Variants in RHCE observed in about 807,000 individuals in gnomAD.
The protein encoded by RHCE is Rh blood group CcEe antigens.
In RHCE, 22 loss-of-function variants were observed where a neutral mutation model predicts 43.8. The observed-to-expected ratio is 0.50, with a 90% CI of 0.36 to 0.72. The LOEUF is 0.72. RHCE is among the 30% of genes least tolerant of loss of function. RHCE has a pLI of 0.00. For missense variants in RHCE, 385 were observed against 525.4 expected (o/e 0.73, Z 2.61); for synonymous variants, 156 against 210.7 (o/e 0.74, Z 2.25).
rs1390268239 is a variant in RHCE, at chr1:25,385,761, G to C, written c.1023C>G (p.Ile341Met). The C allele has an allele frequency of 5.6e-6, 9 of 1,613,962 alleles. No individual in the cohort carries two copies. In the East Asian group the frequency reaches 1.8e-4, roughly 32 times the overall value. Residue 341 changes from isoleucine to methionine, a missense_variant, in exon 7 of 10, where the codon ATC becomes ATG. Around this residue, in one of 6 missense-constraint regions of RHCE, gnomAD observed 82 missense variants for 69.2 expected, o/e 1.18. Transcript: ENST00000294413. ...IFSLLGLLGE[I>M]TYIVLLVLHT... ...GAAGCACCAGCAGCACAATGTAGGT[G>C]ATCTCTCCAAGCAGACCCAGCAAGC...
upstream of RHCE, among the ~76,000 whole-genome samples, chr1:25,423,305 C>T (rs895799006): frequency 6.6e-6 from 1 of 152,222 alleles, no homozygotes; most frequent in Non-Finnish European, 1.5e-5. Context: ...GGGCCCAGTA[C>T]AAGCTCTGTA....
chr1:25,370,621 G>T, intron 8 of RHCE, 81 bp from the exon 9 acceptor site: 1 of 1,257,924 alleles, frequency 7.9e-7, no homozygotes, highest in Non-Finnish European at 1.1e-6. Flanking sequence ...TATTGTGTGT[G>T]TCAAAACGAC....
At chr1:25,397,144 C>T (rs1646573347) in intron 3 of RHCE, among the ~76,000 whole-genome samples, 1 of 140,974 alleles carries the variant, frequency 7.1e-6, no homozygotes, top group African/African-American at 2.7e-5. Context: ...GAAATGTACA[C>T]TGAAGTATTT....
intron 1 of RHCE, among the ~76,000 whole-genome samples, chr1:25,416,226 T>C (rs757312280): frequency 2.6e-5 from 4 of 152,154 alleles, no homozygotes; most frequent in Admixed American, 2.6e-4. Context: ...ATTCTTCATG[T>C]TGCAACTAAT....
chr1:25,424,806 A>G (rs1427263470), upstream of RHCE, among the ~76,000 whole-genome samples: 1 of 151,866 alleles, frequency 6.6e-6, no homozygotes, highest in Admixed American at 6.6e-5. Flanking sequence ...GACGAAGTCT[A>G]TATTTTTACT....
chr1:25,385,298 A>G (rs1646118164), intron 7 of RHCE, among the ~76,000 whole-genome samples: 1 of 152,152 alleles, frequency 6.6e-6, no homozygotes, highest in African/African-American at 2.4e-5. Flanking sequence ...TAGTATCCTT[A>G]TCTCCATTTA....
chr1:25,414,541 G>A (rs543950010), intron 1 of RHCE, among the ~76,000 whole-genome samples: 2 of 152,226 alleles, frequency 1.3e-5, no homozygotes, highest in South Asian at 2.1e-4. Flanking sequence ...GCAGACCAAA[G>A]CTGCAGTGTG....
rs2982324 is a variant in RHCE, at chr1:25,402,772, T to C, written c.336-26A>G. ...CTGGGGGTGAGAAGGAGAGCCAGGA[T>C]GACTGAGAAGGAAGGATGCCTCTCA... On this transcript the variant is annotated intron_variant, in intron 2 of 9. Coordinates refer to ENST00000294413, the MANE Select transcript of RHCE (RefSeq NM_020485.8). 3.4e-5 allele frequency: 55 copies of C among 1,613,790 alleles called. No homozygotes were observed. In the East Asian group the frequency reaches 3.8e-4, roughly 11 times the overall value.
chr1:25,379,495 ATTTTTTTTTTT>A (rs770791604), intron 7 of RHCE, among the ~76,000 whole-genome samples: 835 of 26,594 alleles, frequency 0.031, 27 homozygotes, highest in Middle Eastern at 0.077. Context: ...ATATATATAT[ATTTTTTTTTTT>A]TTTTTTTTTT....
At position 25,385,864 on chromosome 1, in the gene RHCE, T is replaced by G. The variant is rs1451055686; in HGVS notation, c.940-20A>C. The G allele has an allele frequency of 6.2e-7, 1 of 1,614,074 alleles. No homozygotes were observed. Among genetic ancestry groups the G allele is most frequent in the East Asian group, 2.2e-5 (1 of 44,860 alleles). On this transcript the variant is annotated intron_variant, in intron 6 of 9. Transcript: ENST00000294413. ...ACACACCTGTGGACAAGTGTTATTA[T>G]AAGCAGATTGGCAGGTGAGACCCAT... is the stretch of plus-strand genomic sequence containing the variant.
intron 8 of RHCE, among the ~76,000 whole-genome samples, chr1:25,374,318 C>T (rs921538087): frequency 3.3e-5 from 5 of 151,912 alleles, no homozygotes; most frequent in Admixed American, 6.6e-5. Flanking sequence ...TGAATCCTGA[C>T]CTCAGATGAT....
chr1:25,377,505 T>C (rs1645825218), intron 7 of RHCE, among the ~76,000 whole-genome samples: 1 of 152,122 alleles, frequency 6.6e-6, no homozygotes, highest in Non-Finnish European at 1.5e-5. Flanking sequence ...GCAAAAATTC[T>C]TAAACAGGAC....
chr1:25,401,441 A>T (rs1401031763), intron 3 of RHCE, among the ~76,000 whole-genome samples: 1 of 152,022 alleles, frequency 6.6e-6, no homozygotes, highest in Non-Finnish European at 1.5e-5. Context: ...TTGCTATGTG[A>T]TCTTGGGCAG....
chr1:25,429,461 G>A (rs1016559606), intron 1 of RHCE, among the ~76,000 whole-genome samples: 3 of 152,090 alleles, frequency 2.0e-5, no homozygotes, highest in Admixed American at 6.5e-5. Flanking sequence ...CCCTTCCTGG[G>A]AAGTTTTAAA....
chr1:25,395,671 G>C (rs1273705615), intron 3 of RHCE, among the ~76,000 whole-genome samples: 1 of 152,084 alleles, frequency 6.6e-6, no homozygotes, highest in African/African-American at 2.4e-5. Context: ...ATTAAGCAGA[G>C]AGAAAAGGCA....
chr1:25,379,466 TATATATATATATATATATATATATATATA>T (rs1645895795), intron 7 of RHCE, among the ~76,000 whole-genome samples: 6 of 6,826 alleles, frequency 8.8e-4, no homozygotes, highest in Non-Finnish European at 1.8e-3. Context: ...TATATATATA[TATATATATATATATATATATATATATATA>T]TTTTTTTTTT....
upstream of RHCE, among the ~76,000 whole-genome samples, chr1:25,424,978 C>A (rs557438143): frequency 1.3e-5 from 2 of 151,550 alleles, no homozygotes; most frequent in South Asian, 4.2e-4. Flanking sequence ...CACCACACTG[C>A]GCTAATTTTT....
chr1:25,424,622 A>T (rs1461669785), upstream of RHCE, among the ~76,000 whole-genome samples: 2 of 152,046 alleles, frequency 1.3e-5, no homozygotes, highest in East Asian at 3.9e-4. Context: ...TCCTGACCTC[A>T]AGTGATCCAC....
At chr1:25,383,622 T>A (rs948291986) in intron 7 of RHCE, among the ~76,000 whole-genome samples, 2 of 152,136 alleles carry the variant, frequency 1.3e-5, no homozygotes, top group African/African-American at 2.4e-5. Context: ...CCTTTTACTC[T>A]CAGCAAACCA....
Sources: allele counts gnomAD v4.1 joint callset (sites outside exome capture counted in the v4.1 genomes callset), GRCh38; gene constraint gnomAD v4.1.1; regional missense constraint gnomAD v4.1.1; transcripts MANE v1.5; gene names NCBI Gene and HGNC (gene_info 2026-07-23, HGNC 2026-07-21).